Variants in ZNF343 observed in about 807,000 individuals in gnomAD.
The protein encoded by ZNF343 is zinc finger protein 343.
A neutral mutation model predicts 13.8 loss-of-function variants in ZNF343; 11 were observed. The ratio of observed to expected loss-of-function variants is 0.80; its 90% confidence interval spans 0.50 to 1.32. ZNF343 has a LOEUF of 1.32. Ranked by LOEUF, ZNF343 falls within the 40% of genes most tolerant of loss-of-function variation. The pLI is 0.00. For synonymous variants in ZNF343, 248 were observed against 260.0 expected (o/e 0.95, Z 0.44); for missense variants, 658 against 714.2 (o/e 0.92, Z 0.90).
rs539985992 is a variant in ZNF343, at chr20:2,523,203, C to A, written c.-347+1252G>T. On this transcript the variant is annotated intron_variant, in intron 1 of 6. Coordinates refer to the ZNF343 transcript ENST00000358413. ...CCATGACAGTTTACAGATGCCATGG[C>A]AATGTCAGGAAGTTACCCTATATGG... 2.0e-5 allele frequency among the ~76,000 whole-genome samples: 3 copies of A among 152,312 alleles called. No individual in the cohort carries two copies. The South Asian group carries it at 6.2e-4, about 32-fold the overall frequency.
chr20:2,505,596 A>G (rs2085642968), intron 1 of ZNF343, among the ~76,000 whole-genome samples: 1 of 152,230 alleles, frequency 6.6e-6, no homozygotes, highest in African/African-American at 2.4e-5. Context: ...AAACAGAGAT[A>G]TAGATCAATG....
intron 2 of ZNF343, among the ~76,000 whole-genome samples, chr20:2,499,806 G>C (rs994104305): frequency 6.6e-6 from 1 of 152,154 alleles, no homozygotes; most frequent in South Asian, 2.1e-4. Flanking sequence ...AGAGAAAAGG[G>C]AGTGGGAGAA....
chr20:2,492,281 G>A (rs540474864), intron 5 of ZNF343, among the ~76,000 whole-genome samples: 13 of 151,864 alleles, frequency 8.6e-5, no homozygotes, highest in South Asian at 2.1e-4. Flanking sequence ...TAAGGTCTTC[G>A]TGTCAATAAT....
At chr20:2,507,844 A>G (rs1300633161) in intron 1 of ZNF343, among the ~76,000 whole-genome samples, 1 of 152,218 alleles carries the variant, frequency 6.6e-6, no homozygotes, top group African/African-American at 2.4e-5. Context: ...TAAAAATAAA[A>G]TTAAACGCCT....
chr20:2,503,403 G>A (rs1406371760), intron 1 of ZNF343, among the ~76,000 whole-genome samples: 1 of 152,080 alleles, frequency 6.6e-6, no homozygotes, highest in African/African-American at 2.4e-5. Context: ...AGATCAACAA[G>A]ACAGAAAGTT....
chr20:2,495,745 A>G (rs2085448861), intron 2 of ZNF343, among the ~76,000 whole-genome samples: 1 of 150,102 alleles, frequency 6.7e-6, no homozygotes, highest in African/African-American at 2.5e-5. Context: ...CAGTGGTGCA[A>G]TCTTGGCTCA....
chr20:2,483,538 T>C lies in ZNF343; in HGVS notation c.1423A>G (p.Ser475Gly), dbSNP rs1211292021. The C allele has an allele frequency of 6.2e-7, 1 of 1,609,214 alleles. No individual in the cohort carries two copies. Among genetic ancestry groups the C allele is most frequent in the Admixed American group, 1.7e-5 (1 of 59,424 alleles). ...TGGACAAGGAGGAGTGATTTCCGAC[T>C]AAAGCCTCGGCCACACTCACCACAC... ...YVCGECGRGF[S>G]RKSLLLVHQR... is the part of the protein sequence containing the mutation. Residue 475 changes from serine (S) to glycine (G), a missense_variant, in exon 6 of 6, where the codon AGT (serine) becomes GGT (glycine). By Grantham distance (56) the Ser-to-Gly change is moderately conservative. Coordinates refer to ENST00000278772, the MANE Select transcript of ZNF343 (RefSeq NM_024325.6).
chr20:2,515,332 A>C (rs570486821), intron 1 of ZNF343, among the ~76,000 whole-genome samples: 11 of 152,296 alleles, frequency 7.2e-5, no homozygotes, highest in Admixed American at 6.5e-4. Flanking sequence ...ATATATTACC[A>C]CATTAAGAAT....
chr20:2,488,978 G>C (rs756263517), intron 5 of ZNF343, among the ~76,000 whole-genome samples: 5 of 152,094 alleles, frequency 3.3e-5, no homozygotes, highest in Non-Finnish European at 5.9e-5. Flanking sequence ...CCAGGAAGTC[G>C]AGGCTGCAGT....
chr20:2,510,345 G>A (rs1215660750), upstream of ZNF343, among the ~76,000 whole-genome samples: 1 of 152,170 alleles, frequency 6.6e-6, no homozygotes. Flanking sequence ...TGTCTACAAT[G>A]TGCTTCCCAG....
chr20:2,515,012 A>AG (rs1555767275), intron 1 of ZNF343, among the ~76,000 whole-genome samples: 2 of 151,726 alleles, frequency 1.3e-5, no homozygotes, highest in East Asian at 1.9e-4. Flanking sequence ...CAAAAAAAAA[A>AG]AAGAAGAAGA....
intron 1 of ZNF343, among the ~76,000 whole-genome samples, chr20:2,501,192 C>T (rs2085559149): frequency 6.6e-6 from 1 of 152,200 alleles, no homozygotes; most frequent in South Asian, 2.1e-4. Context: ...GTCCTACGCC[C>T]ATGGACCCTC....
At chr20:2,498,174 C>G (rs575281152) in intron 2 of ZNF343, among the ~76,000 whole-genome samples, 1 of 152,150 alleles carries the variant, frequency 6.6e-6, no homozygotes, top group Non-Finnish European at 1.5e-5. Flanking sequence ...CTGACCAACA[C>G]GGAGAAGCCC....
At chr20:2,511,574 G>T (rs1332937586), upstream of ZNF343, among the ~76,000 whole-genome samples, 1 of 152,084 alleles carries the variant, frequency 6.6e-6, no homozygotes, top group Non-Finnish European at 1.5e-5. Flanking sequence ...TGGAACAGTT[G>T]AATTAAAAAT....
intron 1 of ZNF343, among the ~76,000 whole-genome samples, chr20:2,505,245 A>G (rs1372878450): frequency 2.0e-5 from 3 of 152,218 alleles, no homozygotes; most frequent in Admixed American, 6.5e-5. Context: ...CCAACTTACA[A>G]GGGACGTGAA....
rs765918300 is a variant in ZNF343 at position 2,493,513 on chromosome 20, A to C, written c.177+6T>G. ...AGGAAAAAAAAAAAATGTAACCCCA[A>C]CTCACCACTATTTGGGCCTTTCCCT... On this transcript the variant is annotated splice_donor_region_variant and intron_variant, in intron 4 of 5. Transcript: ENST00000278772. 1.2e-6 allele frequency: 2 copies of C among 1,613,012 alleles called. No homozygotes were observed. The highest frequency in any genetic ancestry group is 1.6e-4 in the Middle Eastern group (1 of 6,062).
chr20:2,489,534 C>T (rs1208489395), intron 5 of ZNF343, among the ~76,000 whole-genome samples: 1 of 152,182 alleles, frequency 6.6e-6, no homozygotes, highest in Non-Finnish European at 1.5e-5. Context: ...GTGTTAAGAG[C>T]CAGGATGTGG....
chr20:2,511,434 C>G (rs1311431314), upstream of ZNF343, among the ~76,000 whole-genome samples: 2 of 152,106 alleles, frequency 1.3e-5, no homozygotes, highest in Non-Finnish European at 2.9e-5. Context: ...TCTGTTTATT[C>G]AAAGAAACCA....
intron 1 of ZNF343, among the ~76,000 whole-genome samples, chr20:2,522,200 G>A (rs6083540): frequency 6.6e-6 from 1 of 152,154 alleles, no homozygotes; most frequent in Admixed American, 6.5e-5. Flanking sequence ...AAAATGCTTA[G>A]TACTGACTAC....
Sources: gnomAD v4.1 joint callset for allele counts (sites outside exome capture counted in the v4.1 genomes callset) on GRCh38, gnomAD v4.1.1 for gene constraint, MANE v1.5 for transcripts, NCBI Gene and HGNC (gene_info 2026-07-23, HGNC 2026-07-21) for gene names.